TAOK3: variants seen among roughly 807,000 people sequenced by gnomAD.
TAOK3 encodes TAO kinase 3.
A neutral mutation model predicts 120.4 loss-of-function variants in TAOK3; 40 were observed. The observed-to-expected ratio is 0.33, with a 90% CI of 0.26 to 0.43. TAOK3 has a LOEUF of 0.43. TAOK3 is among the 20% of genes least tolerant of loss of function. The pLI, the probability that TAOK3 is intolerant of heterozygous loss-of-function variation, is 1.00. For synonymous variants in TAOK3, 355 were observed against 387.5 expected (o/e 0.92, Z 0.99); for missense variants, 821 against 1,112.1 (o/e 0.74, Z 3.72).
chr12:118,218,499 GATTACTTATGATATCTAGTGTA>G (rs1366394233), intron 9 of TAOK3, among the ~76,000 whole-genome samples: 3 of 151,936 alleles, frequency 2.0e-5, no homozygotes, highest in African/African-American at 7.3e-5. Context: ...ATCATCTCTA[GATTACTTATGATATCTAGTGTA>G]ATGTAAATGT....
At chr12:118,192,396 AT>A (rs1256924596) in intron 13 of TAOK3, among the ~76,000 whole-genome samples, 1 of 151,998 alleles carries the variant, frequency 6.6e-6, no homozygotes, top group Non-Finnish European at 1.5e-5. Flanking sequence ...TTCCCCCTAC[AT>A]TTTTTTCCTT....
chr12:118,278,599 G>T (rs927586720), intron 1 of TAOK3, among the ~76,000 whole-genome samples: 5 of 152,112 alleles, frequency 3.3e-5, no homozygotes, highest in African/African-American at 1.2e-4. Context: ...GTGCTGCAAT[G>T]AGCATATGGG....
intron 5 of TAOK3, among the ~76,000 whole-genome samples, chr12:118,241,665 T>C (rs1030743385): frequency 1.3e-5 from 2 of 152,234 alleles, no homozygotes; most frequent in Non-Finnish European, 2.9e-5. Flanking sequence ...CTAGCTCCCC[T>C]GACTTTTTCC....
At chr12:118,316,581 T>C (rs1431449357) in intron 1 of TAOK3, among the ~76,000 whole-genome samples, 1 of 152,102 alleles carries the variant, frequency 6.6e-6, no homozygotes, top group African/African-American at 2.4e-5. Context: ...CTCTCTCTTT[T>C]TTTTTTTGAT....
chr12:118,247,977 C>T (rs1185979765), intron 3 of TAOK3, among the ~76,000 whole-genome samples: 2 of 152,108 alleles, frequency 1.3e-5, no homozygotes, highest in African/African-American at 4.8e-5. Flanking sequence ...ATAAAGCTAT[C>T]GCAGTGGTTC....
At position 118,150,431 on chromosome 12, in the gene TAOK3, A is replaced by G. The variant is rs893721707; in HGVS notation, c.*566T>C. ...ATGTCACCACTGATATGTACATCAC[A>G]ATTAGTTTCTGTAAAATGTATCAAA... On this transcript the variant is annotated 3_prime_UTR_variant, in exon 21 of 21. Transcript: ENST00000392533. The G allele has an allele frequency of 6.8e-6, 1 of 147,302 alleles. No homozygotes were observed. The highest frequency in any genetic ancestry group is 2.0e-4 in the East Asian group (1 of 5,036). 9.1% of individuals were successfully genotyped at this position (147,302 alleles called of 1,614,324 possible). A position where few individuals can be genotyped will look rare whatever the true frequency, so the allele number is the denominator to read the frequency against.
At chr12:118,250,577 C>G (rs2040707181) in intron 3 of TAOK3, among the ~76,000 whole-genome samples, 2 of 152,000 alleles carry the variant, frequency 1.3e-5, no homozygotes, top group Admixed American at 6.5e-5. Flanking sequence ...TCTCAGAGTT[C>G]TTCATCATTC....
Position 118,168,464 on chromosome 12 carries a change from C to T in TAOK3, c.1899+3993G>A, listed in dbSNP as rs142735921. On this transcript the variant is annotated intron_variant, in intron 17 of 20. Coordinates refer to ENST00000392533, the MANE Select transcript of TAOK3 (RefSeq NM_016281.4). ...TATATCAAAACATCAAGTTGTATAC[C>T]GTAAATACATACAATTTTTATATGT... Among the ~76,000 whole-genome samples, 53 of 152,108 alleles carry T rather than the reference C, an allele frequency of 3.5e-4. No individual in the cohort carries two copies. The East Asian group carries it at 4.2e-3, about 12-fold the overall frequency.
At chr12:118,233,794 T>C (rs935067726) in intron 8 of TAOK3, 29 bp from the exon 9 acceptor site, 13 of 1,541,664 alleles carry the variant, frequency 8.4e-6, no homozygotes, top group African/African-American at 1.4e-5. Flanking sequence ...AAAACTCAAG[T>C]TGGAGATTAA....
intron 19 of TAOK3, among the ~76,000 whole-genome samples, chr12:118,156,064 G>C (rs1489737071): frequency 2.6e-5 from 4 of 152,164 alleles, no homozygotes; most frequent in Non-Finnish European, 5.9e-5. Context: ...TTGAACGCTT[G>C]TTGTATGCCA....
intron 1 of TAOK3, among the ~76,000 whole-genome samples, chr12:118,320,008 T>A (rs1384117582): frequency 1.3e-5 from 2 of 152,072 alleles, no homozygotes; most frequent in Non-Finnish European, 2.9e-5. Context: ...TACAGCAAAA[T>A]ATTACTTAGC....
intron 16 of TAOK3, among the ~76,000 whole-genome samples, chr12:118,173,978 A>G (rs1320766536): frequency 1.3e-5 from 2 of 152,230 alleles, no homozygotes; most frequent in African/African-American, 4.8e-5. Flanking sequence ...AGAATCAACA[A>G]GAGAAAGTGT....
In TAOK3 at chr12:118,368,487, C is replaced by T. The variant is rs138621223; in HGVS notation, c.-194+4161G>A. On this transcript the variant is annotated intron_variant, in intron 1 of 20. Transcript: ENST00000392533. ...TGCTGGGATTACAGGCGTGAGCCAC[C>T]GCGCCCGGCCTGGTTATTTTTTTTT... Among the ~76,000 whole-genome samples, 551 of 149,446 alleles carry T rather than the reference C, an allele frequency of 3.7e-3. 32 individuals are homozygous for T. The East Asian group carries it at 0.097, about 26-fold the overall frequency.
At chr12:118,337,732 T>C (rs1270126630) in intron 1 of TAOK3, among the ~76,000 whole-genome samples, 4 of 152,164 alleles carry the variant, frequency 2.6e-5, no homozygotes, top group Non-Finnish European at 5.9e-5. Context: ...AAGAACAGAT[T>C]AGTGGTTGCC....
chr12:118,347,468 C>A (rs2044916148), intron 1 of TAOK3, among the ~76,000 whole-genome samples: 1 of 152,170 alleles, frequency 6.6e-6, no homozygotes, highest in African/African-American at 2.4e-5. Flanking sequence ...GGAGGGGGAG[C>A]TTTTCCTGAC....
At chr12:118,182,678 G>A (rs1477447846) in intron 14 of TAOK3, among the ~76,000 whole-genome samples, 2 of 131,090 alleles carry the variant, frequency 1.5e-5, no homozygotes, top group Non-Finnish European at 3.1e-5. Flanking sequence ...TTTTAAATTA[G>A]TCTGAACATG....
intron 1 of TAOK3, among the ~76,000 whole-genome samples, chr12:118,358,249 G>A (rs1016463824): frequency 1.3e-5 from 2 of 152,018 alleles, no homozygotes; most frequent in Non-Finnish European, 2.9e-5. Context: ...GTTAATAACC[G>A]AATGGCCAAC....
At chr12:118,237,454 G>T (rs2040063108) in intron 7 of TAOK3, among the ~76,000 whole-genome samples, 2 of 152,106 alleles carry the variant, frequency 1.3e-5, no homozygotes, top group Admixed American at 1.3e-4. Flanking sequence ...GGAGAGTGTG[G>T]TTGTGGTAGA....
intron 11 of TAOK3, among the ~76,000 whole-genome samples, chr12:118,210,259 T>G (rs1348045930): frequency 6.6e-6 from 1 of 152,154 alleles, no homozygotes; most frequent in Non-Finnish European, 1.5e-5. Context: ...TTGAGCAATT[T>G]TTAAAAGGAA....
Sources: allele counts gnomAD v4.1 joint callset (sites outside exome capture counted in the v4.1 genomes callset), GRCh38; gene constraint gnomAD v4.1.1; transcripts MANE v1.5; gene names NCBI Gene and HGNC (gene_info 2026-07-23, HGNC 2026-07-21).